GCAT: variants seen among roughly 807,000 people sequenced by gnomAD.
The protein encoded by GCAT is glycine C-acetyltransferase.
Under a neutral mutation model 39.7 loss-of-function variants are expected in GCAT, and 26 were observed. The observed-to-expected ratio is 0.65, with a 90% CI of 0.48 to 0.91. GCAT has a LOEUF of 0.91. Ranked by LOEUF, GCAT falls within the 40% of genes least tolerant of loss-of-function variation. The pLI is 0.00. For missense variants in GCAT, 550 were observed against 576.2 expected, an observed-to-expected ratio of 0.95 and a Z score of 0.47; for synonymous variants, 218 against 237.2, an observed-to-expected ratio of 0.92 and a Z score of 0.74.
intron 2 of GCAT, 98 bp downstream of exon 2, chr22:37,810,255 C>T (rs1013280076): frequency 9.3e-6 from 8 of 862,966 alleles, no homozygotes; most frequent in Non-Finnish European, 9.7e-6. Flanking sequence ...CAGCCACAGC[C>T]CTGGGCCTAC....
chr22:37,814,004 G>A (rs189615425), intron 4 of GCAT, among the ~76,000 whole-genome samples: 24 of 152,164 alleles, frequency 1.6e-4, no homozygotes, highest in Middle Eastern at 6.8e-3. Flanking sequence ...GACCTCAGTT[G>A]ATTTCACCCA....
rs779152051 is a variant in GCAT, at chr22:37,816,719, G to A, written c.*1G>A. The A allele has an allele frequency of 1.3e-4, 206 of 1,613,620 alleles. No individual in the cohort carries two copies. Among genetic ancestry groups the A allele is most frequent in the Non-Finnish European group, 1.7e-4 (202 of 1,179,904 alleles). On this transcript the variant is annotated 3_prime_UTR_variant, in exon 9 of 9. Transcript: ENST00000248924. ...GCGACTGCACGGGGCACTGCCCTGA[G>A]CTCTGGGTAAGGACGAGAAGAGCCA...
chr22:37,815,980 C>T (rs1922146148), intron 7 of GCAT, 146 bp downstream of exon 7: 6 of 997,032 alleles, frequency 6.0e-6, no homozygotes, highest in Non-Finnish European at 7.4e-6. Flanking sequence ...CTGCCTCTCC[C>T]CTCTAGCTTC....
intron 2 of GCAT, 23 bp from the exon 3 acceptor site, chr22:37,812,864 C>G: frequency 6.6e-7 from 1 of 1,522,710 alleles, no homozygotes; most frequent in Non-Finnish European, 9.1e-7. Flanking sequence ...GGCATCAACA[C>G]GTGTCTCACT....
At chr22:37,816,434 CTG>C in intron 8 of GCAT, 113 bp downstream of exon 8, 1 of 1,526,372 alleles carries the variant, frequency 6.6e-7, no homozygotes, top group Non-Finnish European at 8.9e-7. Flanking sequence ...CTTAGGCCAG[CTG>C]TCTGTCTAAG....
At chr22:37,813,144 C>G in intron 3 of GCAT, 156 bp downstream of exon 3, 2 of 652,092 alleles carry the variant, frequency 3.1e-6, no homozygotes, top group Non-Finnish European at 5.5e-6. Flanking sequence ...CAGGTAGGTG[C>G]TCCAGGAGGA....
chr22:37,813,262 ACCT>A (rs1027079673), intron 3 of GCAT, 198 bp from the exon 4 acceptor site: 3 of 711,530 alleles, frequency 4.2e-6, no homozygotes, highest in East Asian at 2.7e-5. Flanking sequence ...ATATATTCTC[ACCT>A]CCTCTTACTA....
chr22:37,808,193 G>C (rs1318826057), intron 1 of GCAT, 30 bp downstream of exon 1: 1 of 1,438,566 alleles, frequency 7.0e-7, no homozygotes, highest in Non-Finnish European at 9.2e-7. Context: ...GTCGTTCCAA[G>C]ACCTTTCCCG....
At chr22:37,808,218 T>G (rs1470239467) in intron 1 of GCAT, 55 bp downstream of exon 1, 13 of 1,320,344 alleles carry the variant, frequency 9.8e-6, no homozygotes, top group Admixed American at 3.2e-5. Flanking sequence ...TGCGCTGGAA[T>G]GGAGGTCCTG....
intron 3 of GCAT, chr22:37,813,196 G>A: frequency 1.6e-6 from 1 of 643,816 alleles, no homozygotes; most frequent in Non-Finnish European, 2.8e-6. Flanking sequence ...GAGCCTTTGG[G>A]GGATAAGCTA....
rs1375579459 is a variant in GCAT, at chr22:37,808,269, C to A, written c.196+106C>A. On this transcript the variant is annotated intron_variant, in intron 1 of 8. Coordinates refer to ENST00000248924, the MANE Select transcript of GCAT (RefSeq NM_014291.4). ...GGCTCCTACACTCTTAGCTACTGTTCCCCTTCGCATCTCTCAGGGCGACTT... is the reference window on the plus strand; with the variant it reads ...GGCTCCTACACTCTTAGCTACTGTTACCCTTCGCATCTCTCAGGGCGACTT... 5.8e-6 allele frequency: 5 copies of A among 865,442 alleles called. No individual in the cohort carries two copies. The Admixed American group carries it at 1.5e-4, about 26-fold the overall frequency. The allele number at this position is 865,442 out of a possible 1,614,324, so 53.6% of individuals were successfully genotyped here. A position where few individuals can be genotyped will look rare whatever the true frequency, so the allele number is the denominator to read the frequency against.
At chr22:37,809,833 T>A (rs556209364) in intron 1 of GCAT, 194 bp from the exon 2 acceptor site, 1 of 691,946 alleles carries the variant, frequency 1.4e-6, no homozygotes, top group African/African-American at 1.8e-5. Flanking sequence ...AAAAAAAAAG[T>A]TTAAACTTCT....
Position 37,810,016 on chromosome 22 carries a change from C to T in GCAT, c.197-11C>T, listed in dbSNP as rs1921398838. On this transcript the variant is annotated splice_polypyrimidine_tract_variant and intron_variant, in intron 1 of 8. Transcript: ENST00000248924. The stretch of plus-strand genomic sequence containing the variant: ...TGAGCTGCTGTATCCATCTCCTCTC[C>T]TTCACCTCAGGAATCCTTAACTTCT... 1 of 1,613,852 alleles carries T rather than the reference C, an allele frequency of 6.2e-7. No individual in the cohort carries two copies. The highest frequency in any genetic ancestry group is 8.5e-7 in the Non-Finnish European group (1 of 1,179,778).
In GCAT at chr22:37,808,065, G is replaced by A. The variant is rs188858987; in HGVS notation, c.98G>A (p.Gly33Glu). 1.3e-6 allele frequency: 2 copies of A among 1,565,850 alleles called. No homozygotes were observed. Among genetic ancestry groups the A allele is most frequent in the Admixed American group, 1.9e-5 (1 of 53,090 alleles). ...GCCCAGCTGCGTGGCATTCTGGAGGGGGAGCTGGAAGGCATCCGCGGAGCT... is the reference window on the plus strand; with the variant it reads ...GCCCAGCTGCGTGGCATTCTGGAGGAGGAGCTGGAAGGCATCCGCGGAGCT... ...ALAQLRGILE[G>E]ELEGIRGAGT... Residue 33 changes from glycine (G) to glutamate (E), a missense_variant, in exon 1 of 9, where the codon GGG (glycine) becomes GAG (glutamate). Physicochemically the swap from Gly to Glu is moderately conservative, Grantham distance 98. Around this residue, in one of 3 missense-constraint regions of GCAT, gnomAD observed 154 missense variants for 141.9 expected, o/e 1.08. Coordinates refer to ENST00000248924, the MANE Select transcript of GCAT (RefSeq NM_014291.4).
In GCAT at chr22:37,815,763, C is replaced by T. The variant is rs776121609; in HGVS notation, c.915C>T (p.Cys305=). Residue 305 remains cysteine (C), a synonymous_variant, in exon 7 of 9, where the codon TGC becomes TGT. Coordinates refer to ENST00000248924, the MANE Select transcript of GCAT (RefSeq NM_014291.4). Reference sequence around the variant, plus strand: ...GTCTGCCACCTGCTGTCGTTGGCTGCGCCTCCAAGGCCCTAGATCTGCTGA... The same window carrying T: ...GTCTGCCACCTGCTGTCGTTGGCTGTGCCTCCAAGGCCCTAGATCTGCTGA... ...SNSLPPAVVG[C]ASKALDLLMG... is the part of the protein sequence containing the mutation. 1.2e-6 allele frequency: 2 copies of T among 1,613,680 alleles called. No individual in the cohort carries two copies. The highest frequency in any genetic ancestry group is 2.2e-5 in the East Asian group (1 of 44,878).
intron 2 of GCAT, 69 bp from the exon 3 acceptor site, chr22:37,812,818 C>T: frequency 9.3e-7 from 1 of 1,075,640 alleles, no homozygotes; most frequent in South Asian, 1.2e-5. Flanking sequence ...TCCTCCAAGC[C>T]TCTGTCCCCT....
chr22:37,816,362 G>A (rs1035326259), intron 8 of GCAT, 41 bp downstream of exon 8: 1 of 1,601,186 alleles, frequency 6.2e-7, no homozygotes, highest in Non-Finnish European at 8.5e-7. Flanking sequence ...TGGGTCCTGA[G>A]AGAAGAGAAA....
chr22:37,816,091 G>A (rs1922160255), intron 7 of GCAT, 109 bp from the exon 8 acceptor site: 1 of 1,360,982 alleles, frequency 7.3e-7, no homozygotes, highest in Admixed American at 2.3e-5. Flanking sequence ...AACTGTCTTT[G>A]TTGATCCTTC....
Position 37,816,580 on chromosome 22 carries a change from C to T in GCAT, c.1122C>T (p.Ile374=), listed in dbSNP as rs749496268. ...DDMLKRGIFV[I]GFSYPVVPKG... The stretch of plus-strand genomic sequence containing the variant: ...CTACCCTCCCAGGCATCTTTGTCAT[C>T]GGGTTCAGCTACCCCGTGGTCCCCA... The change falls in exon 9 of 9, where the codon ATC becomes ATT. Residue 374 remains isoleucine, a synonymous_variant. Transcript: ENST00000248924. 5.0e-6 allele frequency: 8 copies of T among 1,614,178 alleles called. No homozygotes were observed. The highest frequency in any genetic ancestry group is 6.8e-6 in the Non-Finnish European group (8 of 1,180,014).
Sources: gnomAD v4.1 joint callset for allele counts (sites outside exome capture counted in the v4.1 genomes callset) on GRCh38, gnomAD v4.1.1 for gene constraint, gnomAD v4.1.1 regional missense constraint, MANE v1.5 for transcripts, NCBI Gene and HGNC (gene_info 2026-07-23, HGNC 2026-07-21) for gene names.